MAPK10: variants seen among roughly 807,000 people sequenced by gnomAD.
MAPK10 encodes the protein JNK3 alpha protein kinase.
In MAPK10, 25 loss-of-function variants were observed where a neutral mutation model predicts 59.3. That is an observed-to-expected ratio of 0.42 (90% CI 0.31 to 0.59). The LOEUF is 0.59. Ranked by LOEUF, MAPK10 falls within the 20% of genes least tolerant of loss-of-function variation. The probability of loss-of-function intolerance (pLI) is 0.15; values close to 1 mark genes in which losing one functional copy is unlikely to be tolerated. For synonymous variants in MAPK10, 190 were observed against 200.5 expected (o/e 0.95, Z 0.44); for missense variants, 351 against 568.9 (o/e 0.62, Z 3.90).
chr4:86,135,973 G>A (rs1382771077), intron 4 of MAPK10, among the ~76,000 whole-genome samples: 1 of 152,088 alleles, frequency 6.6e-6, no homozygotes, highest in Non-Finnish European at 1.5e-5. Context: ...AGCAAGAAGG[G>A]AAGTTTAGAG....
chr4:86,542,745 T>TA (rs1758820590), intron 1 of MAPK10, among the ~76,000 whole-genome samples: 1 of 152,280 alleles, frequency 6.6e-6, no homozygotes, highest in South Asian at 2.1e-4. Context: ...GCCAAAGTCT[T>TA]AGAGAAAACT....
intron 1 of MAPK10, among the ~76,000 whole-genome samples, chr4:86,513,208 C>T: frequency 6.6e-6 from 1 of 152,000 alleles, no homozygotes; most frequent in Non-Finnish European, 1.5e-5. Context: ...CCACTATGCT[C>T]AATTTATTTT....
chr4:86,235,833 G>C lies in MAPK10; in HGVS notation c.-6-41426C>G, dbSNP rs115049771. Among the ~76,000 whole-genome samples, 1,155 of 152,298 alleles carry C rather than the reference G, an allele frequency of 7.6e-3. 14 individuals are homozygous for C. Among genetic ancestry groups the C allele is most frequent in the African/African-American group, 0.026 (1,098 of 41,556 alleles). ...AATTAACACATTTGATTCATGTCTT[G>C]TATTAGTTGTGGATTGCTCCTATAA... is the stretch of plus-strand genomic sequence containing the variant. On this transcript the variant is annotated intron_variant, in intron 2 of 13. Transcript: ENST00000641462.
intron 2 of MAPK10, among the ~76,000 whole-genome samples, chr4:86,291,342 A>G (rs2095220510): frequency 6.6e-6 from 1 of 152,182 alleles, no homozygotes; most frequent in South Asian, 2.1e-4. Flanking sequence ...CAGCTGTTGA[A>G]ATCTTTTACA....
chr4:86,283,013 C>G (rs2094871125), intron 2 of MAPK10, among the ~76,000 whole-genome samples: 1 of 152,176 alleles, frequency 6.6e-6, no homozygotes, highest in Non-Finnish European at 1.5e-5. Context: ...CTTAGCAGAT[C>G]ATCTGTAATG....
intron 1 of MAPK10, among the ~76,000 whole-genome samples, chr4:86,542,703 T>C (rs565224415): frequency 8.8e-4 from 134 of 152,300 alleles, no homozygotes; most frequent in Non-Finnish European, 1.8e-3. Context: ...CTCAGATATA[T>C]GTATGAGAAG....
intron 4 of MAPK10, among the ~76,000 whole-genome samples, chr4:86,126,155 A>G (rs2060039345): frequency 6.6e-6 from 1 of 151,696 alleles, no homozygotes; most frequent in Admixed American, 6.6e-5. Context: ...ACTATGCATG[A>G]CTCCTAACAT....
rs192501826 is a variant in MAPK10, at chr4:86,190,215, C to T, written c.66+4121G>A. On this transcript the variant is annotated intron_variant, in intron 3 of 13. Transcript: ENST00000641462. ...ATACTGCCCTGAAATTTTCTTTTTA[C>T]GCTGTGTCTCTGCCAGGTTTTGGTA... Among the ~76,000 whole-genome samples the T allele has an allele frequency of 3.6e-3, 544 of 151,936 alleles. 8 individuals carry two copies. The highest frequency in any genetic ancestry group is 0.013 in the African/African-American group (522 of 41,458).
intron 1 of MAPK10, among the ~76,000 whole-genome samples, chr4:86,560,042 G>A (rs1366166167): frequency 6.6e-6 from 1 of 150,906 alleles, no homozygotes; most frequent in Non-Finnish European, 1.5e-5. Flanking sequence ...ATGTTGTATT[G>A]TAAAGACAAA....
At chr4:86,476,358 C>G in intron 1 of MAPK10, among the ~76,000 whole-genome samples, 1 of 152,188 alleles carries the variant, frequency 6.6e-6, no homozygotes, top group East Asian at 1.9e-4. Context: ...CCTTCCCCCA[C>G]CAGCCCAGCA....
At chr4:86,365,098 C>T (rs1381249783) in intron 1 of MAPK10, among the ~76,000 whole-genome samples, 1 of 152,122 alleles carries the variant, frequency 6.6e-6, no homozygotes, top group Non-Finnish European at 1.5e-5. Flanking sequence ...TATCTACTTA[C>T]TTTCATTTGG....
chr4:86,183,071 G>C (rs768848586), intron 3 of MAPK10, among the ~76,000 whole-genome samples: 1 of 151,902 alleles, frequency 6.6e-6, no homozygotes, highest in African/African-American at 2.4e-5. Context: ...ATTGATAATT[G>C]TTTTTGAGTT....
intron 1 of MAPK10, among the ~76,000 whole-genome samples, chr4:86,464,895 G>T (rs1402779742): frequency 6.6e-6 from 1 of 151,906 alleles, no homozygotes; most frequent in Non-Finnish European, 1.5e-5. Context: ...ACTTTTGACT[G>T]CAGGGAATCA....
intron 1 of MAPK10, among the ~76,000 whole-genome samples, chr4:86,573,223 G>T (rs1761602825): frequency 6.6e-6 from 1 of 152,098 alleles, no homozygotes; most frequent in African/African-American, 2.4e-5. Context: ...AGGTCACAAA[G>T]AATTTCCCCT....
At position 86,245,183 on chromosome 4, in the gene MAPK10, TA is replaced by T. The variant is rs1204710528; in HGVS notation, c.-6-50777del. On this transcript the variant is annotated intron_variant, in intron 2 of 13. Coordinates refer to ENST00000641462, the MANE Select transcript of MAPK10 (RefSeq NM_138982.4). Reference sequence around the variant, plus strand: ...GTCTCTTTTAGTCCTGTACATGTCATAACACTAACTATAAGAGCTCTTTAGA... The same window carrying T: ...GTCTCTTTTAGTCCTGTACATGTCATACACTAACTATAAGAGCTCTTTAGA... 3.9e-5 allele frequency among the ~76,000 whole-genome samples: 6 copies of T among 152,332 alleles called. No homozygotes were observed. The East Asian group carries it at 9.6e-4, about 24-fold the overall frequency.
In MAPK10 at chr4:86,539,080, G is replaced by A. The variant is rs140676654; in HGVS notation, c.-263+54830C>T. On this transcript the variant is annotated intron_variant, in intron 1 of 4. Transcript: ENST00000502302. The stretch of plus-strand genomic sequence containing the variant: ...TTATGAGGTGGGCTTGCAAAAAACC[G>A]ATTTGTATGCAAACTGAAGAGCCTC... 1.6e-3 allele frequency among the ~76,000 whole-genome samples: 242 copies of A among 152,090 alleles called. 4 individuals are homozygous for A. The highest frequency in any genetic ancestry group is 5.5e-3 in the African/African-American group (228 of 41,486).
chr4:86,332,530 C>G (rs1466259085), intron 2 of MAPK10: 1 of 152,106 alleles, frequency 6.6e-6, no homozygotes, highest in Non-Finnish European at 1.5e-5. Flanking sequence ...TTAGAGGATA[C>G]GTTTCAGTCC....
chr4:86,565,823 C>G (rs1761021085), intron 1 of MAPK10, among the ~76,000 whole-genome samples: 3 of 152,170 alleles, frequency 2.0e-5, no homozygotes, highest in Non-Finnish European at 4.4e-5. Context: ...TCATCACGTT[C>G]CTTCCTAACA....
At chr4:86,070,132 G>A (rs911471364) in intron 9 of MAPK10, among the ~76,000 whole-genome samples, 11 of 152,142 alleles carry the variant, frequency 7.2e-5, no homozygotes, top group African/African-American at 2.4e-5. Context: ...CTTTATCATT[G>A]TCAATGAAAT....
Sources: allele counts gnomAD v4.1 joint callset (sites outside exome capture counted in the v4.1 genomes callset), GRCh38; gene constraint gnomAD v4.1.1; transcripts MANE v1.5; gene names NCBI Gene and HGNC (gene_info 2026-07-23, HGNC 2026-07-21).